Variants in MORC3 observed in about 807,000 individuals in gnomAD.
MORC3 encodes the protein MORC family CW-type zinc finger protein 3.
MORC3 carries 31 observed loss-of-function variants against 109.1 expected under a neutral mutation model. That is an observed-to-expected ratio of 0.28 (90% CI 0.21 to 0.38). The LOEUF (loss-of-function observed/expected upper bound fraction) is 0.38, where lower values mean the gene tolerates loss of function less well. Ranked by LOEUF, MORC3 falls within the 10% of genes least tolerant of loss-of-function variation. MORC3 has a pLI of 1.00. For synonymous variants in MORC3, 395 were observed against 380.7 expected, an observed-to-expected ratio of 1.04 and a Z score of -0.44; for missense variants, 867 against 1,135.8, an observed-to-expected ratio of 0.76 and a Z score of 3.40.
intron 8 of MORC3, among the ~76,000 whole-genome samples, chr21:36,345,636 G>T (rs1378979934): frequency 5.3e-5 from 8 of 151,906 alleles, no homozygotes; most frequent in Admixed American, 5.2e-4. Context: ...CAGCCAGCAT[G>T]GTCTTGATCT....
intron 2 of MORC3, among the ~76,000 whole-genome samples, chr21:36,334,956 C>T (rs949686195): frequency 2.6e-5 from 4 of 151,868 alleles, no homozygotes; most frequent in African/African-American, 9.7e-5. Context: ...CATAGTGGGA[C>T]CCCATCTCTA....
intron 5 of MORC3, among the ~76,000 whole-genome samples, chr21:36,340,656 A>G (rs1438615919): frequency 5.5e-5 from 4 of 72,668 alleles, no homozygotes; most frequent in Non-Finnish European, 8.0e-5. Context: ...TTTTTTTGAG[A>G]TAGCGTTTTG....
At chr21:36,324,049 A>G (rs1440891349) in intron 1 of MORC3, among the ~76,000 whole-genome samples, 1 of 149,024 alleles carries the variant, frequency 6.7e-6, no homozygotes, top group Non-Finnish European at 1.5e-5. Flanking sequence ...CTGATTTTGT[A>G]TTTTTAGTAG....
chr21:36,345,804 G>A lies in MORC3; in HGVS notation c.1005+773G>A, dbSNP rs1601523870. Among the ~76,000 whole-genome samples the A allele has an allele frequency of 2.6e-5, 4 of 151,830 alleles. No individual in the cohort carries two copies. The South Asian group carries it at 8.3e-4, about 31-fold the overall frequency. On this transcript the variant is annotated intron_variant, in intron 8 of 16. Transcript: ENST00000400485. ...ACTCCTGACCTCAGGTGATCCACCCGCCTCGGTCTCCCAAAGTGCTGGGAT... is the reference window on the plus strand; with the variant it reads ...ACTCCTGACCTCAGGTGATCCACCCACCTCGGTCTCCCAAAGTGCTGGGAT...
At chr21:36,370,635 ATATATTTTTTTTTTTTTTTTTTTTT>A (rs1282439971) in intron 15 of MORC3, among the ~76,000 whole-genome samples, 18 of 42,006 alleles carry the variant, frequency 4.3e-4, no homozygotes, top group Admixed American at 2.8e-3. Context: ...ATATATATAT[ATATATTTTTTTTTTTTTTTTTTTTT>A]TTTTTTTTTT....
intron 15 of MORC3, among the ~76,000 whole-genome samples, chr21:36,370,399 C>G (rs1173452864): frequency 2.0e-5 from 3 of 151,782 alleles, no homozygotes; most frequent in African/African-American, 7.3e-5. Context: ...TAGGGGTAGC[C>G]AGGTATGGTA....
At chr21:36,345,148 T>C in intron 8 of MORC3, 117 bp downstream of exon 8, 1 of 1,134,488 alleles carries the variant, frequency 8.8e-7, no homozygotes, top group South Asian at 1.7e-5. Context: ...TATAGCTTTT[T>C]AATGTAAATT....
intron 1 of MORC3, among the ~76,000 whole-genome samples, chr21:36,323,440 C>T (rs1488624771): frequency 2.0e-5 from 3 of 152,206 alleles, no homozygotes; most frequent in Admixed American, 6.5e-5. Context: ...AAGGGCTGTG[C>T]GTGCCGTAGG....
Position 36,372,413 on chromosome 21 carries a change from C to G in MORC3, c.2548C>G (p.Gln850Glu). The part of the protein sequence containing the change: ...LEMEKSQIRS[Q>E]CEELKTEVEQ... ...AATGGAAAAGTCACAAATCCGTTCA[C>G]AGTGTGAAGAACTCAAAACTGAAGT... Residue 850 changes from glutamine (Q) to glutamate (E), a missense_variant, in exon 16 of 17, where the codon CAG becomes GAG. Physicochemically the swap from Gln to Glu is conservative, Grantham distance 29 (BLOSUM62 2). Coordinates refer to ENST00000400485, the MANE Select transcript of MORC3 (RefSeq NM_015358.3). The G allele has an allele frequency of 1.9e-6, 3 of 1,595,296 alleles. No homozygotes were observed. The highest frequency in any genetic ancestry group is 2.6e-6 in the Non-Finnish European group (3 of 1,175,694).
At chr21:36,339,145 G>A (rs972647762) in intron 5 of MORC3, 6 of 365,108 alleles carry the variant, frequency 1.6e-5, no homozygotes, top group African/African-American at 4.2e-5. Context: ...TTGAGACGAA[G>A]TCTCACTCTT....
intron 14 of MORC3, among the ~76,000 whole-genome samples, chr21:36,365,051 CA>C (rs72445251): frequency 0.03 from 2,787 of 94,316 alleles, 34 homozygotes; most frequent in Admixed American, 0.061. Flanking sequence ...GACTCCATCT[CA>C]AAAAAAAAAA....
chr21:36,359,897 G>A, intron 10 of MORC3, 58 bp from the exon 11 acceptor site: 4 of 1,588,704 alleles, frequency 2.5e-6, no homozygotes, highest in Non-Finnish European at 3.5e-6. Context: ...TGGAACATCT[G>A]ATGAAGTATT....
Position 36,369,022 on chromosome 21 carries a change from T to G in MORC3, c.1654T>G (p.Leu552Val), listed in dbSNP as rs1199083429. Residue 552 changes from leucine (L) to valine (V), a missense_variant, in exon 15 of 17, where the codon TTG becomes GTG. Physicochemically the swap from Leu to Val is conservative, Grantham distance 32. Around this residue, in one of 7 missense-constraint regions of MORC3, gnomAD observed 486 missense variants for 502.1 expected, o/e 0.97. Transcript: ENST00000400485. ...GAGACTTTCTACTCGTTCCTCAATT[T>G]TGAATGCAAAGAATCGGAGATTGAG... ...KRRLSTRSSI[L>V]NAKNRRLSSQ... The G allele has an allele frequency of 1.9e-6, 3 of 1,611,986 alleles. No individual in the cohort carries two copies. The highest frequency in any genetic ancestry group is 2.5e-6 in the Non-Finnish European group (3 of 1,178,594).
At chr21:36,350,585 A>G (rs1569099837) in intron 9 of MORC3, among the ~76,000 whole-genome samples, 1 of 151,930 alleles carries the variant, frequency 6.6e-6, no homozygotes, top group Non-Finnish European at 1.5e-5. Context: ...GGTAGGACTA[A>G]TAAAGTCTAT....
At chr21:36,332,295 G>A (rs2077440587) in intron 1 of MORC3, among the ~76,000 whole-genome samples, 1 of 152,134 alleles carries the variant, frequency 6.6e-6, no homozygotes, top group South Asian at 2.1e-4. Context: ...AATTAGCCAT[G>A]TGTGGTGGTG....
chr21:36,365,391 ATGTT>A (rs1470469024), intron 14 of MORC3, among the ~76,000 whole-genome samples: 1 of 152,184 alleles, frequency 6.6e-6, no homozygotes, highest in East Asian at 1.9e-4. Context: ...GACTATACTG[ATGTT>A]TGTTATTCGA....
intron 13 of MORC3, among the ~76,000 whole-genome samples, chr21:36,363,124 T>G (rs1028501178): frequency 1.3e-5 from 2 of 152,178 alleles, no homozygotes; most frequent in Non-Finnish European, 2.9e-5. Flanking sequence ...AAGCCCATTA[T>G]AAGTTGAAAA....
intron 1 of MORC3, among the ~76,000 whole-genome samples, chr21:36,328,408 G>A (rs930953885): frequency 6.8e-6 from 1 of 147,200 alleles, no homozygotes; most frequent in Admixed American, 6.9e-5. Context: ...CTGGAGTGCA[G>A]TGGCGCCATC....
intron 1 of MORC3, among the ~76,000 whole-genome samples, chr21:36,329,367 C>T (rs2085287295): frequency 6.6e-6 from 1 of 151,958 alleles, no homozygotes; most frequent in Admixed American, 6.6e-5. Context: ...GGGCCACATG[C>T]ATCCCATGGG....
Sources: allele counts gnomAD v4.1 joint callset (sites outside exome capture counted in the v4.1 genomes callset), GRCh38; gene constraint gnomAD v4.1.1; regional missense constraint gnomAD v4.1.1; transcripts MANE v1.5; gene names NCBI Gene and HGNC (gene_info 2026-07-23, HGNC 2026-07-21).